KCNJ6: variants seen among roughly 807,000 people sequenced by gnomAD.
KCNJ6 encodes the protein potassium inwardly rectifying channel subfamily J member 6, also known as G protein-activated inward rectifier potassium channel 2.
In KCNJ6, 9 loss-of-function variants were observed where a neutral mutation model predicts 34.2. The observed-to-expected ratio is 0.26, with a 90% confidence interval of 0.16 to 0.46. The LOEUF (loss-of-function observed/expected upper bound fraction) is 0.46, where lower values mean the gene tolerates loss of function less well. Among genes scored for constraint, KCNJ6 ranks in the 20% least tolerant of loss-of-function variants. The pLI is 1.00. For missense variants in KCNJ6, 236 were observed against 531.3 expected (o/e 0.44, Z 5.46); for synonymous variants, 196 against 207.1 (o/e 0.95, Z 0.46).
intron 2 of KCNJ6, among the ~76,000 whole-genome samples, chr21:37,831,210 G>A (rs1216636037): frequency 6.6e-6 from 1 of 152,182 alleles, no homozygotes; most frequent in Non-Finnish European, 1.5e-5. Flanking sequence ...TTCCAGTAAG[G>A]ACAAACGTAT....
Position 37,703,565 on chromosome 21 carries a change from C to T in KCNJ6, c.946+10646G>A, listed in dbSNP as rs74427913. On this transcript the variant is annotated intron_variant, in intron 3 of 3. Coordinates refer to ENST00000609713, the MANE Select transcript of KCNJ6 (RefSeq NM_002240.5). The stretch of plus-strand genomic sequence containing the variant: ...AAACATTTATATTAAATTCATATTA[C>T]ATCTGTGGATTTCGTTTCATTATAA... Among the ~76,000 whole-genome samples the T allele has an allele frequency of 7.1e-3, 1,074 of 152,316 alleles. 16 individuals are homozygous for T. The highest frequency in any genetic ancestry group is 0.025 in the African/African-American group (1,036 of 41,562).
At chr21:37,698,408 G>A (rs2054673733) in intron 3 of KCNJ6, among the ~76,000 whole-genome samples, 1 of 152,194 alleles carries the variant, frequency 6.6e-6, no homozygotes, top group Non-Finnish European at 1.5e-5. Flanking sequence ...GTGCGGGAGG[G>A]GGGCTCATGG....
chr21:37,852,440 C>T (rs544376378), intron 1 of KCNJ6, among the ~76,000 whole-genome samples: 1 of 152,080 alleles, frequency 6.6e-6, no homozygotes, highest in South Asian at 2.1e-4. Context: ...AATGAGGTGC[C>T]CCCTCCTATC....
chr21:37,767,734 C>A (rs2055098343), intron 2 of KCNJ6, among the ~76,000 whole-genome samples: 1 of 152,176 alleles, frequency 6.6e-6, no homozygotes, highest in Admixed American at 6.5e-5. Context: ...AAGAAATATT[C>A]TTTCAGTATT....
At chr21:37,734,128 G>A (rs1359022377) in intron 2 of KCNJ6, among the ~76,000 whole-genome samples, 3 of 152,180 alleles carry the variant, frequency 2.0e-5, no homozygotes, top group Non-Finnish European at 4.4e-5. Flanking sequence ...ACCAGAAGAC[G>A]GAGGTTGAAA....
In KCNJ6 at chr21:37,619,629, G is replaced by A. The variant is rs904606801; in HGVS notation, c.*5530C>T. On this transcript the variant is annotated 3_prime_UTR_variant, in exon 4 of 4. Transcript: ENST00000609713. ...GCTAGAGAAAACTAGCAAGAAAACAGAGGGAGACATCTGGGCCACCTATTT... is the reference window on the plus strand; with the variant it reads ...GCTAGAGAAAACTAGCAAGAAAACAAAGGGAGACATCTGGGCCACCTATTT... 6.6e-6 allele frequency: 1 copy of A among 152,246 alleles called. No individual in the cohort carries two copies. The highest frequency in any genetic ancestry group is 1.5e-5 in the Non-Finnish European group (1 of 68,056). The allele number at this position is 152,246 out of a possible 1,614,324, so 9.4% of individuals were successfully genotyped here.
At chr21:37,869,865 G>T (rs935823509) in intron 1 of KCNJ6, among the ~76,000 whole-genome samples, 1 of 152,222 alleles carries the variant, frequency 6.6e-6, no homozygotes, top group Non-Finnish European at 1.5e-5. Flanking sequence ...AAGTAGTGAA[G>T]TCTGGGCTTT....
Position 37,614,128 on chromosome 21 carries a change from A to G in KCNJ6, c.*11031T>C, listed in dbSNP as rs566179688. On this transcript the variant is annotated 3_prime_UTR_variant, in exon 4 of 4. Coordinates refer to ENST00000609713, the MANE Select transcript of KCNJ6 (RefSeq NM_002240.5). The stretch of plus-strand genomic sequence containing the variant: ...GAGGAAGCTATTTCCGACCAGTGAA[A>G]TGATATACCCAGGACGACATTGCTC... 1 of 152,302 alleles carries G rather than the reference A, an allele frequency of 6.6e-6. No individual in the cohort carries two copies. Among genetic ancestry groups the G allele is most frequent in the East Asian group, 1.9e-4 (1 of 5,184 alleles). The allele number at this position is 152,302 out of a possible 1,614,324, so 9.4% of individuals were successfully genotyped here.
intron 1 of KCNJ6, among the ~76,000 whole-genome samples, chr21:37,882,265 C>T (rs2055712844): frequency 1.3e-5 from 2 of 152,150 alleles, no homozygotes; most frequent in Admixed American, 6.5e-5. Context: ...GACAGATGAG[C>T]GTGCTGGGTA....
At chr21:37,860,095 G>C (rs1286041115) in intron 1 of KCNJ6, among the ~76,000 whole-genome samples, 2 of 152,112 alleles carry the variant, frequency 1.3e-5, no homozygotes, top group Admixed American at 6.6e-5. Context: ...CGGTGCAATG[G>C]CTATTTCCAT....
chr21:37,609,583 A>AT lies in KCNJ6; in HGVS notation c.*15575dup, dbSNP rs1004726054. 6.6e-6 allele frequency: 1 copy of AT among 152,214 alleles called. No homozygotes were observed. The highest frequency in any genetic ancestry group is 1.5e-5 in the Non-Finnish European group (1 of 68,034). The allele number at this position is 152,214 out of a possible 1,614,324, so 9.4% of individuals were successfully genotyped here. Reference sequence around the variant, plus strand: ...GACAAATACAATGAATTATCTTATGATTAATAATGAAAAGTGGCCACTATT... The same window carrying AT: ...GACAAATACAATGAATTATCTTATGATTTAATAATGAAAAGTGGCCACTATT... On this transcript the variant is annotated 3_prime_UTR_variant, in exon 4 of 4. Coordinates refer to ENST00000609713, the MANE Select transcript of KCNJ6 (RefSeq NM_002240.5).
At chr21:37,682,280 C>CAT (rs2054594047) in intron 3 of KCNJ6, among the ~76,000 whole-genome samples, 1 of 152,232 alleles carries the variant, frequency 6.6e-6, no homozygotes, top group Admixed American at 6.5e-5. Flanking sequence ...TTTCTTGCTT[C>CAT]TTCTGGCTTC....
intron 3 of KCNJ6, among the ~76,000 whole-genome samples, chr21:37,682,490 C>A (rs2054595015): frequency 6.6e-6 from 1 of 152,120 alleles, no homozygotes; most frequent in African/African-American, 2.4e-5. Flanking sequence ...TGGCCCCAGG[C>A]ATTCCTTTGC....
rs2054294901 is a variant in KCNJ6 at position 37,622,964 on chromosome 21, T to C, written c.*2195A>G. 6.6e-6 allele frequency: 1 copy of C among 152,212 alleles called. No homozygotes were observed. The highest frequency in any genetic ancestry group is 1.5e-5 in the Non-Finnish European group (1 of 68,056). 9.4% of individuals were successfully genotyped at this position (152,212 alleles called of 1,614,324 possible). ...GGAGCTCCCCAAGCCAAGAGTGCCC[T>C]TCATTAGGCTGCAGAGAGGTCAAGC... On this transcript the variant is annotated 3_prime_UTR_variant, in exon 4 of 4. Transcript: ENST00000609713.
In KCNJ6 at chr21:37,715,030, G is replaced by A. The variant is rs199893641; in HGVS notation, c.127C>T (p.His43Tyr). 6.2e-7 allele frequency: 1 copy of A among 1,614,072 alleles called. No homozygotes were observed. The highest frequency in any genetic ancestry group is 1.3e-5 in the African/African-American group (1 of 74,938). ...CTTTTGGTCCGATCTCGGCTGATGT[G>A]TCTTGGCAGGTCATCCCTGGCCTGC... ...PKQARDDLPR[H>Y]ISRDRTKRKI... The change falls in exon 3 of 4, where the codon CAC becomes TAC. Residue 43 changes from histidine to tyrosine, a missense_variant. Coordinates refer to ENST00000609713, the MANE Select transcript of KCNJ6 (RefSeq NM_002240.5).
chr21:37,873,974 C>T (rs1406557437), intron 1 of KCNJ6, among the ~76,000 whole-genome samples: 1 of 152,164 alleles, frequency 6.6e-6, no homozygotes, highest in Non-Finnish European at 1.5e-5. Flanking sequence ...TATCTCCACT[C>T]CCTCTTCAAC....
intron 2 of KCNJ6, among the ~76,000 whole-genome samples, chr21:37,796,103 C>T (rs1365328337): frequency 6.6e-6 from 1 of 152,164 alleles, no homozygotes; most frequent in Non-Finnish European, 1.5e-5. Flanking sequence ...TGATCGGCTT[C>T]TATGCTCTGG....
intron 2 of KCNJ6, among the ~76,000 whole-genome samples, chr21:37,737,917 C>T (rs913039517): frequency 6.6e-6 from 1 of 152,160 alleles, no homozygotes; most frequent in Non-Finnish European, 1.5e-5. Flanking sequence ...CATTGAGATG[C>T]CTTTTTGGTA....
At chr21:37,880,225 C>T (rs913564737) in intron 1 of KCNJ6, among the ~76,000 whole-genome samples, 5 of 152,182 alleles carry the variant, frequency 3.3e-5, no homozygotes, top group East Asian at 1.9e-4. Context: ...TGCAGTGATC[C>T]GAGATTGCAC....
Sources: allele counts gnomAD v4.1 joint callset (sites outside exome capture counted in the v4.1 genomes callset), GRCh38; gene constraint gnomAD v4.1.1; transcripts MANE v1.5; gene names NCBI Gene and HGNC (gene_info 2026-07-23, HGNC 2026-07-21).